Variants in RIMS2 observed in about 807,000 individuals in gnomAD.
The protein encoded by RIMS2 is regulating synaptic membrane exocytosis 2, also known as regulating synaptic membrane exocytosis protein 2.
A neutral mutation model predicts 174.4 loss-of-function variants in RIMS2; 59 were observed. The observed-to-expected ratio is 0.34, with a 90% CI of 0.27 to 0.42. The LOEUF (loss-of-function observed/expected upper bound fraction) is 0.42, where lower values mean the gene tolerates loss of function less well. RIMS2 is among the 10% of genes least tolerant of loss of function. The pLI is 1.00. For synonymous variants in RIMS2, 606 were observed against 572.5 expected (o/e 1.06, Z -0.84); for missense variants, 1,620 against 1,666.3 (o/e 0.97, Z 0.48).
chr8:103,688,423 T>C (rs1386189760), intron 1 of RIMS2, among the ~76,000 whole-genome samples: 1 of 152,090 alleles, frequency 6.6e-6, no homozygotes, highest in Non-Finnish European at 1.5e-5. Flanking sequence ...TTGAACTATC[T>C]TTGCATTCTG....
At chr8:104,034,086 C>T (rs901134398) in intron 19 of RIMS2, among the ~76,000 whole-genome samples, 9 of 152,154 alleles carry the variant, frequency 5.9e-5, no homozygotes, top group African/African-American at 2.2e-4. Flanking sequence ...CTTGTGGCAT[C>T]AGAAAAACTG....
chr8:103,539,444 G>A (rs533902045), intron 1 of RIMS2, among the ~76,000 whole-genome samples: 5 of 152,234 alleles, frequency 3.3e-5, no homozygotes, highest in Non-Finnish European at 7.4e-5. Context: ...GTATACTGAA[G>A]CAACAAAGTG....
intron 2 of RIMS2, among the ~76,000 whole-genome samples, chr8:103,739,250 A>T (rs910298397): frequency 6.6e-6 from 1 of 152,164 alleles, no homozygotes; most frequent in Admixed American, 6.5e-5. Flanking sequence ...GAAGCTGGAA[A>T]CCATCATTCT....
rs182621040 is a variant in RIMS2 at position 104,030,031 on chromosome 8, C to G, written c.3334+15416C>G. ...CCAAAATCACCTATATTTGATGTTA[C>G]AGTATAGCATATTTTTCCATTTTTG... On this transcript the variant is annotated intron_variant, in intron 19 of 23. Transcript: ENST00000504942. 7.9e-5 allele frequency among the ~76,000 whole-genome samples: 12 copies of G among 152,208 alleles called. No homozygotes were observed. In the East Asian group the frequency reaches 2.3e-3, roughly 29 times the overall value.
At chr8:103,748,441 G>A (rs1052238304) in intron 2 of RIMS2, among the ~76,000 whole-genome samples, 1 of 151,930 alleles carries the variant, frequency 6.6e-6, no homozygotes, top group Admixed American at 6.6e-5. Context: ...GAATGAGACC[G>A]TCTCAAATAC....
At chr8:103,960,975 A>C in intron 14 of RIMS2, 90 bp from the exon 17 acceptor site, 1 of 756,836 alleles carries the variant, frequency 1.3e-6, no homozygotes, top group East Asian at 2.5e-5. Flanking sequence ...TGATTCACTC[A>C]GAATATTTTC....
At chr8:104,058,223 A>G (rs1207331007) in intron 19 of RIMS2, among the ~76,000 whole-genome samples, 5 of 150,590 alleles carry the variant, frequency 3.3e-5, no homozygotes, top group Admixed American at 1.3e-4. Flanking sequence ...CATCCTCTCC[A>G]GCACCTGTTG....
At chr8:103,568,619 T>A in intron 1 of RIMS2, 1 of 586,044 alleles carries the variant, frequency 1.7e-6, no homozygotes, top group Non-Finnish European at 3.3e-6. Context: ...GTTGTGACTG[T>A]GCAATATCAG....
At chr8:103,652,306 T>C in intron 1 of RIMS2, 69 bp downstream of exon 2, 1 of 892,472 alleles carries the variant, frequency 1.1e-6, no homozygotes, top group South Asian at 1.3e-5. Context: ...CTTTCTGGTA[T>C]TAGCTTACAC....
In RIMS2 at chr8:103,642,954, T is replaced by C. The variant is rs920618483; in HGVS notation, c.177-54132T>C. On this transcript the variant is annotated intron_variant, in intron 1 of 23. Transcript: ENST00000504942. ...TCCTGGATTCATGGTTTGGTGTTTGTCATTAATTTTAGAAAATTTTCAGTT... is the reference window on the plus strand; with the variant it reads ...TCCTGGATTCATGGTTTGGTGTTTGCCATTAATTTTAGAAAATTTTCAGTT... 1.3e-5 allele frequency among the ~76,000 whole-genome samples: 2 copies of C among 151,990 alleles called. 1 individual carries two copies. The highest frequency in any genetic ancestry group is 2.9e-5 in the Non-Finnish European group (2 of 67,934).
chr8:103,563,559 G>T (rs2091927375), intron 1 of RIMS2, among the ~76,000 whole-genome samples: 1 of 152,150 alleles, frequency 6.6e-6, no homozygotes, highest in Non-Finnish European at 1.5e-5. Context: ...TCACTAGGGA[G>T]TTCCAAACTT....
At chr8:103,989,399 C>T (rs772532564) in exon 17 of RIMS2, 3 of 1,591,220 alleles carry the variant, frequency 1.9e-6, no homozygotes, top group African/African-American at 2.7e-5. Flanking sequence ...CATGGATGAC[C>T]ATTATTCTCC....
intron 2 of RIMS2, among the ~76,000 whole-genome samples, chr8:103,732,184 C>A (rs2097607391): frequency 6.6e-6 from 1 of 152,216 alleles, no homozygotes; most frequent in South Asian, 2.1e-4. Flanking sequence ...AATGCTGTGA[C>A]TCTAACAGAC....
chr8:103,812,612 C>T (rs369012996), intron 3 of RIMS2, among the ~76,000 whole-genome samples: 4 of 152,254 alleles, frequency 2.6e-5, no homozygotes, highest in East Asian at 3.9e-4. Context: ...AAACTCCTGA[C>T]CTCAGGTGAT....
intron 17 of RIMS2, among the ~76,000 whole-genome samples, chr8:103,991,877 G>A (rs551929133): frequency 6.6e-6 from 1 of 152,228 alleles, no homozygotes; most frequent in East Asian, 1.9e-4. Flanking sequence ...TAGAATATCA[G>A]TATCAACTTT....
At chr8:104,148,508 A>G (rs1425381828) in intron 19 of RIMS2, 99 bp from the exon 25 acceptor site, 5 of 1,105,116 alleles carry the variant, frequency 4.5e-6, no homozygotes, top group Non-Finnish European at 6.3e-6. Context: ...TCCATAGATG[A>G]TATAATTTAA....
At chr8:103,633,393 A>G (rs1193531179) in intron 1 of RIMS2, among the ~76,000 whole-genome samples, 1 of 151,982 alleles carries the variant, frequency 6.6e-6, no homozygotes, top group Non-Finnish European at 1.5e-5. Flanking sequence ...GATGAAGCCT[A>G]CTTGATCATG....
At chr8:104,104,625 G>C (rs2097997026) in intron 19 of RIMS2, among the ~76,000 whole-genome samples, 1 of 152,174 alleles carries the variant, frequency 6.6e-6, no homozygotes. Flanking sequence ...ATGTCTTTGA[G>C]GCCTGTGTGA....
At chr8:103,803,816 A>C (rs981476640) in intron 3 of RIMS2, among the ~76,000 whole-genome samples, 1 of 152,332 alleles carries the variant, frequency 6.6e-6, no homozygotes, top group South Asian at 2.1e-4. Flanking sequence ...GCTGAGTAGT[A>C]CATCTCTGTC....
Sources: allele counts gnomAD v4.1 joint callset (sites outside exome capture counted in the v4.1 genomes callset), GRCh38; gene constraint gnomAD v4.1.1; transcripts MANE v1.5; gene names NCBI Gene and HGNC (gene_info 2026-07-23, HGNC 2026-07-21).